Variants in CTNNA2 observed in about 807,000 individuals in gnomAD.
The protein encoded by CTNNA2 is catenin alpha-2.
Under a neutral mutation model 101.0 loss-of-function variants are expected in CTNNA2, and 42 were observed. The observed-to-expected ratio is 0.42, with a 90% CI of 0.32 to 0.54. CTNNA2 has a LOEUF of 0.54. Among genes scored for constraint, CTNNA2 ranks in the 20% least tolerant of loss-of-function variants. CTNNA2 has a pLI of 0.14. For synonymous variants in CTNNA2, 450 were observed against 456.4 expected, an observed-to-expected ratio of 0.99 and a Z score of 0.18; for missense variants, 871 against 1,223.1, an observed-to-expected ratio of 0.71 and a Z score of 4.29.
chr2:80,567,916 T>C (rs1297174500), intron 12 of CTNNA2, among the ~76,000 whole-genome samples: 1 of 152,186 alleles, frequency 6.6e-6, no homozygotes, highest in African/African-American at 2.4e-5. Flanking sequence ...CTAAACTGTT[T>C]ATCTCTCTCG....
intron 1 of CTNNA2, among the ~76,000 whole-genome samples, chr2:79,563,161 G>GTATATATATATATATA (rs71385287): frequency 1.9e-4 from 15 of 78,610 alleles, no homozygotes; most frequent in African/African-American, 5.7e-4. Context: ...ATAAAGATGT[G>GTATATATATATATATA]TATATATATA....
intron 7 of CTNNA2, among the ~76,000 whole-genome samples, chr2:79,918,424 A>G (rs1686414304): frequency 6.6e-6 from 1 of 152,202 alleles, no homozygotes; most frequent in African/African-American, 2.4e-5. Context: ...ACCCAGCTAG[A>G]TGGCCAGCTA....
intron 7 of CTNNA2, among the ~76,000 whole-genome samples, chr2:80,274,872 C>T (rs1673768715): frequency 6.6e-6 from 1 of 152,128 alleles, no homozygotes; most frequent in Admixed American, 6.5e-5. Flanking sequence ...TCTAGGATTT[C>T]GTAATGCCTT....
At chr2:79,667,128 T>C (rs938663513) in intron 2 of CTNNA2, among the ~76,000 whole-genome samples, 18 of 152,244 alleles carry the variant, frequency 1.2e-4, no homozygotes, top group African/African-American at 4.3e-4. Flanking sequence ...CTAACTTTGG[T>C]AAAATTTAAT....
rs565131428 is a variant in CTNNA2 at position 79,549,185 on chromosome 2, A to G, written c.-6+35978A>G. On this transcript the variant is annotated intron_variant, in intron 1 of 18. Transcript: ENST00000402739. ...TCCTCCGTTATATCATTTAAAAAAGATATAGGGATTGGAAACTTGGTTTGG... is the reference window on the plus strand; with the variant it reads ...TCCTCCGTTATATCATTTAAAAAAGGTATAGGGATTGGAAACTTGGTTTGG... Among the ~76,000 whole-genome samples, 3 of 152,194 alleles carry G rather than the reference A, an allele frequency of 2.0e-5. No homozygotes were observed. In the East Asian group the frequency reaches 5.8e-4, roughly 29 times the overall value.
At chr2:80,415,880 A>G (rs1679992872) in intron 8 of CTNNA2, among the ~76,000 whole-genome samples, 1 of 152,176 alleles carries the variant, frequency 6.6e-6, no homozygotes, top group African/African-American at 2.4e-5. Context: ...GAAATATTTT[A>G]TATGTGACAA....
intron 7 of CTNNA2, among the ~76,000 whole-genome samples, chr2:80,196,842 T>G: frequency 6.6e-6 from 1 of 152,314 alleles, no homozygotes; most frequent in African/African-American, 2.4e-5. Flanking sequence ...TGCTCAAAAC[T>G]ACTCCAGTGG....
chr2:80,647,919 C>G lies in CTNNA2; in HGVS notation c.*47C>G. The G allele has an allele frequency of 6.6e-7, 1 of 1,512,434 alleles. No individual in the cohort carries two copies. The highest frequency in any genetic ancestry group is 8.9e-7 in the Non-Finnish European group (1 of 1,129,796). 93.7% of individuals were successfully genotyped at this position (1,512,434 alleles called of 1,614,324 possible). On this transcript the variant is annotated 3_prime_UTR_variant, in exon 19 of 19. Coordinates refer to ENST00000402739, the MANE Select transcript of CTNNA2 (RefSeq NM_001282597.3). The stretch of plus-strand genomic sequence containing the variant: ...AGCTTTTTCTTTCTTTTCTTTCTTT[C>G]TTTTTCTTTTTAATTCCATTTTTGT...
At position 80,139,584 on chromosome 2, in the gene CTNNA2, T is replaced by C. The variant is rs1166521729; in HGVS notation, c.1056+229787T>C. ...TAAGTGTAATACGTATCAGTATATA[T>C]TGATACACACATCAATACATAATAC... is the stretch of plus-strand genomic sequence containing the variant. On this transcript the variant is annotated intron_variant, in intron 7 of 18. Transcript: ENST00000402739. 2.6e-5 allele frequency among the ~76,000 whole-genome samples: 4 copies of C among 152,144 alleles called. No homozygotes were observed. The East Asian group carries it at 5.8e-4, about 22-fold the overall frequency.
chr2:79,976,677 C>T (rs1690867861), intron 7 of CTNNA2, among the ~76,000 whole-genome samples: 1 of 152,186 alleles, frequency 6.6e-6, no homozygotes, highest in Non-Finnish European at 1.5e-5. Context: ...TGTCCCATTG[C>T]ATAGACAATA....
At chr2:80,438,646 A>T (rs560521118) in intron 9 of CTNNA2, among the ~76,000 whole-genome samples, 1 of 152,294 alleles carries the variant, frequency 6.6e-6, no homozygotes, top group African/African-American at 2.4e-5. Flanking sequence ...TGTATTACAT[A>T]AAATAAACCT....
At chr2:80,250,215 G>GTA in intron 7 of CTNNA2, among the ~76,000 whole-genome samples, 1 of 151,738 alleles carries the variant, frequency 6.6e-6, no homozygotes, top group African/African-American at 2.4e-5. Flanking sequence ...GTGTGTGTGT[G>GTA]TGTGTGTGTG....
intron 3 of CTNNA2, among the ~76,000 whole-genome samples, chr2:79,368,891 T>A (rs943499536): frequency 1.3e-5 from 2 of 152,230 alleles, no homozygotes; most frequent in African/African-American, 4.8e-5. Context: ...AGAGCAAAAC[T>A]AGGTTTTGTT....
intron 6 of CTNNA2, among the ~76,000 whole-genome samples, chr2:79,885,332 T>C (rs1261316709): frequency 1.3e-5 from 2 of 152,208 alleles, no homozygotes; most frequent in African/African-American, 4.8e-5. Flanking sequence ...TTTTTGAGTA[T>C]TGTGATAATC....
At chr2:80,279,216 G>C (rs1178133451) in intron 7 of CTNNA2, among the ~76,000 whole-genome samples, 2 of 152,110 alleles carry the variant, frequency 1.3e-5, no homozygotes, top group East Asian at 3.9e-4. Flanking sequence ...CTGGGCAAGA[G>C]AACTGGAGGA....
intron 3 of CTNNA2, among the ~76,000 whole-genome samples, chr2:79,790,841 CTT>C (rs1186525236): frequency 6.6e-6 from 1 of 152,108 alleles, no homozygotes; most frequent in Non-Finnish European, 1.5e-5. Context: ...ATAGTAACCA[CTT>C]TTGACAAGCC....
At chr2:79,879,352 G>T (rs1446314516) in intron 6 of CTNNA2, among the ~76,000 whole-genome samples, 1 of 151,930 alleles carries the variant, frequency 6.6e-6, no homozygotes, top group East Asian at 1.9e-4. Flanking sequence ...CTAATTCTGT[G>T]AAGAATGTCA....
At chr2:80,149,354 G>A (rs1252922036) in intron 7 of CTNNA2, among the ~76,000 whole-genome samples, 2 of 152,134 alleles carry the variant, frequency 1.3e-5, no homozygotes, top group Admixed American at 6.5e-5. Flanking sequence ...TGAGAAGTCT[G>A]TAGAAACGCT....
At chr2:79,279,338 G>T (rs1456698809) in intron 2 of CTNNA2, among the ~76,000 whole-genome samples, 2 of 152,220 alleles carry the variant, frequency 1.3e-5, no homozygotes, top group Non-Finnish European at 2.9e-5. Flanking sequence ...GATTGGAAGT[G>T]AATGAGGGGA....
Sources: allele counts gnomAD v4.1 joint callset (sites outside exome capture counted in the v4.1 genomes callset), GRCh38; gene constraint gnomAD v4.1.1; transcripts MANE v1.5; gene names NCBI Gene and HGNC (gene_info 2026-07-23, HGNC 2026-07-21).